SLC16A4: variants seen among roughly 807,000 people sequenced by gnomAD.
The protein encoded by SLC16A4 is solute carrier family 16 member 4.
Under a neutral mutation model 47.9 loss-of-function variants are expected in SLC16A4, and 39 were observed. The observed-to-expected ratio is 0.81, with a 90% confidence interval of 0.63 to 1.06. SLC16A4 has a LOEUF of 1.06. Ranked by LOEUF, SLC16A4 falls within the 50% of genes least tolerant of loss-of-function variation. SLC16A4 has a pLI of 0.00. For missense variants in SLC16A4, 524 were observed against 573.8 expected (o/e 0.91, Z 0.89); for synonymous variants, 189 against 199.9 (o/e 0.95, Z 0.46).
chr1:110,380,005 C>T (rs767145434), intron 5 of SLC16A4: 8 of 141,714 alleles, frequency 5.6e-5, no homozygotes, highest in South Asian at 2.3e-4. Flanking sequence ...TGCAGTGAGC[C>T]GGTATCATGC....
chr1:110,379,073 T>A lies in SLC16A4; in HGVS notation c.810A>T (p.Arg270Ser). ...EEFYNGPNRN[R>S]LLLKSDEESD... ...TTTCTTCATCACTCTTTAATAACAG[T>A]CTGTTCCTGTTAGGCCCATTGTAGA... The change falls in exon 6 of 9, where the codon AGA becomes AGT. Residue 270 changes from arginine (R) to serine (S), a missense_variant. Transcript: ENST00000369779. 2 of 1,614,232 alleles carry A rather than the reference T, an allele frequency of 1.2e-6. No homozygotes were observed. The highest frequency in any genetic ancestry group is 1.7e-6 in the Non-Finnish European group (2 of 1,180,024).
intron 2 of SLC16A4, among the ~76,000 whole-genome samples, chr1:110,384,780 G>T (rs1263089493): frequency 1.3e-5 from 2 of 152,164 alleles, no homozygotes; most frequent in Admixed American, 1.3e-4. Flanking sequence ...GGAGGCCGAG[G>T]TGGGTGGATC....
intron 8 of SLC16A4, among the ~76,000 whole-genome samples, chr1:110,365,050 G>T (rs1284046255): frequency 6.6e-6 from 1 of 151,966 alleles, no homozygotes; most frequent in Non-Finnish European, 1.5e-5. Flanking sequence ...AGGGTCTCAA[G>T]GATCTCTGGG....
intron 5 of SLC16A4, chr1:110,379,908 A>G (rs1262647614): frequency 1.3e-5 from 2 of 151,840 alleles, no homozygotes; most frequent in Non-Finnish European, 2.9e-5. Context: ...AATACAAAAA[A>G]ATTAATTGAT....
At chr1:110,380,799 CTT>C (rs1662336080) in intron 5 of SLC16A4, among the ~76,000 whole-genome samples, 181 bp downstream of exon 5, 1 of 152,174 alleles carries the variant, frequency 6.6e-6, no homozygotes, top group Non-Finnish European at 1.5e-5. Context: ...TTCAAGATCT[CTT>C]TTGCGTATGT....
chr1:110,383,365 A>T (rs932646204), intron 2 of SLC16A4, among the ~76,000 whole-genome samples: 1 of 152,130 alleles, frequency 6.6e-6, no homozygotes, highest in Non-Finnish European at 1.5e-5. Context: ...TATTAGACCA[A>T]TCAGTTTCCC....
rs775365460 is a variant in SLC16A4, at chr1:110,377,075, G to A, written c.1117C>T (p.Leu373Phe). The A allele has an allele frequency of 3.1e-6, 5 of 1,614,086 alleles. No individual in the cohort carries two copies. The highest frequency in any genetic ancestry group is 2.2e-5 in the East Asian group (1 of 44,878). ...IKKYHYHKSY[L>F]ILCGITNLLA... is the part of the protein sequence containing the mutation. Reference sequence around the variant, plus strand: ...AGGTTAGTGATGCCGCAGAGGATGAGGTAAGACTTGTGGTAATGATACTTC... The same window carrying A: ...AGGTTAGTGATGCCGCAGAGGATGAAGTAAGACTTGTGGTAATGATACTTC... The change falls in exon 7 of 9, where the codon CTC (leucine) becomes TTC (phenylalanine). Residue 373 changes from leucine to phenylalanine, a missense_variant. Leu to Phe is a conservative substitution (Grantham distance 22, BLOSUM62 0). Transcript: ENST00000369779.
rs780535772 is a variant in SLC16A4, at chr1:110,377,010, G to C, written c.1182C>G (p.Thr394=). 2 of 1,614,128 alleles carry C rather than the reference G, an allele frequency of 1.2e-6. No homozygotes were observed. The highest frequency in any genetic ancestry group is 8.5e-7 in the Non-Finnish European group (1 of 1,179,986). The change falls in exon 7 of 9, where the codon ACC becomes ACG. Residue 394 remains threonine (T), a synonymous_variant. Coordinates refer to ENST00000369779, the MANE Select transcript of SLC16A4 (RefSeq NM_004696.3). ...CAAAGATGGCAAAGCAGATGGTGTA[G>C]GTCATAAGTAGTGGAAATGTGGTGG... ...PLATTFPLLM[T]YTICFAIFAG...
At chr1:110,377,249 C>G (rs1570642065) in intron 6 of SLC16A4, 88 bp from the exon 7 acceptor site, 1 of 1,067,738 alleles carries the variant, frequency 9.4e-7, no homozygotes, top group East Asian at 2.4e-5. Context: ...AATATGATCT[C>G]ATCCTGAGGC....
intron 1 of SLC16A4, among the ~76,000 whole-genome samples, chr1:110,390,353 A>G (rs1662974422): frequency 6.6e-6 from 1 of 152,196 alleles, no homozygotes; most frequent in South Asian, 2.1e-4. Context: ...CTCCTTAGAA[A>G]ACACTTGCTA....
chr1:110,376,079 GT>G (rs919817151), intron 7 of SLC16A4, among the ~76,000 whole-genome samples: 2 of 152,092 alleles, frequency 1.3e-5, no homozygotes, highest in African/African-American at 4.8e-5. Flanking sequence ...GTTTCACCAT[GT>G]TGCCCAGGCT....
chr1:110,390,298 CTT>C (rs903097107), intron 1 of SLC16A4, among the ~76,000 whole-genome samples: 1 of 152,100 alleles, frequency 6.6e-6, no homozygotes, highest in Non-Finnish European at 1.5e-5. Flanking sequence ...CGGGTGAACT[CTT>C]AAGAGAAATA....
intron 6 of SLC16A4, among the ~76,000 whole-genome samples, chr1:110,378,376 G>A (rs925306754): frequency 7.2e-5 from 11 of 152,128 alleles, no homozygotes; most frequent in Non-Finnish European, 1.3e-4. Context: ...TATTACAGAT[G>A]AGGAAATGAA....
At chr1:110,372,993 T>A (rs951316206) in intron 8 of SLC16A4, 1 of 152,164 alleles carries the variant, frequency 6.6e-6, no homozygotes, top group South Asian at 2.1e-4. Context: ...TAAAGTGATA[T>A]ACTCTTTTTT....
At chr1:110,363,926 G>T (rs12756167) in intron 8 of SLC16A4, 33 bp from the exon 9 acceptor site, 26 of 1,584,246 alleles carry the variant, frequency 1.6e-5, no homozygotes, top group Non-Finnish European at 2.2e-5. Flanking sequence ...GTTAGGGAAG[G>T]AAATTTTGCC....
At chr1:110,371,088 A>G (rs1038822066) in intron 8 of SLC16A4, 3 of 152,250 alleles carry the variant, frequency 2.0e-5, no homozygotes, top group South Asian at 4.1e-4. Context: ...CACATAGCAT[A>G]TAACAGTACT....
chr1:110,389,111 C>T, intron 2 of SLC16A4, 126 bp downstream of exon 2: 1 of 860,006 alleles, frequency 1.2e-6, no homozygotes, highest in East Asian at 2.5e-5. Context: ...TGGCCTTGTT[C>T]CTGCCCACCC....
chr1:110,367,856 TCTCA>T (rs1169719624), intron 8 of SLC16A4, among the ~76,000 whole-genome samples: 1 of 151,976 alleles, frequency 6.6e-6, no homozygotes, highest in Non-Finnish European at 1.5e-5. Flanking sequence ...TTGAGAGGAA[TCTCA>T]CTCTGTTGCC....
chr1:110,389,022 T>C (rs922163359), intron 2 of SLC16A4, among the ~76,000 whole-genome samples: 3 of 152,276 alleles, frequency 2.0e-5, no homozygotes, highest in Non-Finnish European at 4.4e-5. Flanking sequence ...GGAACATTTC[T>C]GCTTTTGCTC....
Sources: allele counts gnomAD v4.1 joint callset (sites outside exome capture counted in the v4.1 genomes callset), GRCh38; gene constraint gnomAD v4.1.1; transcripts MANE v1.5; gene names NCBI Gene and HGNC (gene_info 2026-07-23, HGNC 2026-07-21).